The following RSU1 variants were observed in gnomAD, a reference collection of about 807,000 sequenced individuals.
The protein encoded by RSU1 is rsu-1.
RSU1 carries 26 observed loss-of-function variants against 31.1 expected under a neutral mutation model. That is an observed-to-expected ratio of 0.84 (90% CI 0.61 to 1.16). RSU1 has a LOEUF of 1.16. RSU1 is among the 50% of genes most tolerant of loss of function. The probability of loss-of-function intolerance (pLI) is 0.00; values close to 1 mark genes in which losing one functional copy is unlikely to be tolerated. For synonymous variants in RSU1, 164 were observed against 136.3 expected, an observed-to-expected ratio of 1.20 and a Z score of -1.41; for missense variants, 320 against 339.1, an observed-to-expected ratio of 0.94 and a Z score of 0.44.
chr10:16,611,050 C>T (rs563076981), intron 8 of RSU1, among the ~76,000 whole-genome samples: 1 of 152,318 alleles, frequency 6.6e-6, no homozygotes, highest in Admixed American at 6.5e-5. Context: ...AGCACAAAAA[C>T]ATAAAAGCAG....
intron 8 of RSU1, among the ~76,000 whole-genome samples, chr10:16,634,970 A>G (rs1056685342): frequency 3.4e-4 from 52 of 152,362 alleles, no homozygotes; most frequent in African/African-American, 1.1e-3. Context: ...TTACAGAACA[A>G]CTACTTCAGA....
At chr10:16,693,501 C>T (rs1447736701) in intron 8 of RSU1, among the ~76,000 whole-genome samples, 2 of 151,458 alleles carry the variant, frequency 1.3e-5, no homozygotes, top group Admixed American at 6.6e-5. Context: ...AGAAAAGAAA[C>T]TCTTAACTAA....
intron 8 of RSU1, among the ~76,000 whole-genome samples, chr10:16,630,894 C>A (rs1026847304): frequency 1.3e-5 from 2 of 152,228 alleles, no homozygotes; most frequent in African/African-American, 4.8e-5. Context: ...CCCTCTCTAA[C>A]AGAAAGTAGC....
At chr10:16,657,807 A>G (rs1186614494) in intron 8 of RSU1, among the ~76,000 whole-genome samples, 16 of 152,154 alleles carry the variant, frequency 1.1e-4, no homozygotes, top group Admixed American at 1.0e-3. Flanking sequence ...AGCCTGGCCA[A>G]CATGGTGAAA....
intron 4 of RSU1, among the ~76,000 whole-genome samples, chr10:16,755,393 G>A (rs1429573778): frequency 6.6e-6 from 1 of 151,546 alleles, no homozygotes; most frequent in Non-Finnish European, 1.5e-5. Flanking sequence ...AGAATGCTGG[G>A]ATTACAGGCG....
intron 8 of RSU1, among the ~76,000 whole-genome samples, chr10:16,596,688 C>T (rs1055682631): frequency 1.2e-4 from 19 of 152,160 alleles, no homozygotes; most frequent in African/African-American, 3.9e-4. Flanking sequence ...TACGTATGTA[C>T]ATTTTTATTC....
intron 7 of RSU1, among the ~76,000 whole-genome samples, chr10:16,736,325 C>G (rs1195912451): frequency 2.0e-5 from 3 of 152,170 alleles, no homozygotes; most frequent in African/African-American, 7.2e-5. Flanking sequence ...TAAACAATCA[C>G]TGGAGTTTTC....
At chr10:16,706,567 A>C (rs966873096) in intron 7 of RSU1, among the ~76,000 whole-genome samples, 2 of 152,172 alleles carry the variant, frequency 1.3e-5, no homozygotes, top group Non-Finnish European at 2.9e-5. Flanking sequence ...TTTTAGAAAA[A>C]ATAATTTTAG....
intron 8 of RSU1, among the ~76,000 whole-genome samples, chr10:16,596,986 G>T (rs1240147852): frequency 6.6e-6 from 1 of 152,228 alleles, no homozygotes; most frequent in African/African-American, 2.4e-5. Context: ...GAAAGGCTGG[G>T]ATTACAGGCG....
At chr10:16,644,180 C>G (rs1056704615) in intron 8 of RSU1, among the ~76,000 whole-genome samples, 2 of 152,064 alleles carry the variant, frequency 1.3e-5, no homozygotes, top group Admixed American at 6.5e-5. Context: ...GTATTTGGCA[C>G]CTGCAAAGCT....
At chr10:16,785,389 ACTCTCTCT>A (rs61277754) in intron 2 of RSU1, among the ~76,000 whole-genome samples, 3 of 135,466 alleles carry the variant, frequency 2.2e-5, no homozygotes, top group Admixed American at 7.3e-5. Flanking sequence ...AAACTCATTC[ACTCTCTCT>A]CTATCTTTCT....
intron 8 of RSU1, among the ~76,000 whole-genome samples, chr10:16,678,793 C>G (rs1835276516): frequency 6.6e-6 from 1 of 152,098 alleles, no homozygotes; most frequent in Non-Finnish European, 1.5e-5. Flanking sequence ...TAGAGATAAC[C>G]ACCATTACTA....
intron 2 of RSU1, among the ~76,000 whole-genome samples, chr10:16,801,806 A>T (rs1222872492): frequency 1.3e-5 from 2 of 152,288 alleles, no homozygotes; most frequent in South Asian, 2.1e-4. Context: ...ATGTCAAAAA[A>T]TTTTTAAAAA....
chr10:16,633,776 T>G (rs1003998019), intron 8 of RSU1, among the ~76,000 whole-genome samples: 1 of 152,102 alleles, frequency 6.6e-6, no homozygotes, highest in Admixed American at 6.5e-5. Flanking sequence ...ATGCTCACAC[T>G]CCTCAGAGTC....
In RSU1 at chr10:16,719,941, T is replaced by C. The variant is rs548849466; in HGVS notation, c.599-24786A>G. On this transcript the variant is annotated intron_variant, in intron 7 of 8. Coordinates refer to ENST00000345264, the MANE Select transcript of RSU1 (RefSeq NM_012425.4). ...TAGCCCACATGCTTTATGTATATAA[T>C]CTCAGCCCTCAAAGGAACCTGCAAA... Among the ~76,000 whole-genome samples, 87 of 152,356 alleles carry C rather than the reference T, an allele frequency of 5.7e-4. No individual in the cohort carries two copies. In the South Asian group the frequency reaches 0.016, roughly 27 times the overall value.
chr10:16,738,243 G>T (rs371102189), intron 7 of RSU1, among the ~76,000 whole-genome samples: 2 of 152,132 alleles, frequency 1.3e-5, no homozygotes, highest in Non-Finnish European at 2.9e-5. Flanking sequence ...TCAGCAGATC[G>T]AGACCATCCT....
intron 3 of RSU1, among the ~76,000 whole-genome samples, chr10:16,777,683 A>T (rs1225822885): frequency 6.6e-6 from 1 of 152,212 alleles, no homozygotes; most frequent in Non-Finnish European, 1.5e-5. Flanking sequence ...TAAAAACAAA[A>T]AACAAGTAGG....
chr10:16,615,079 C>A (rs1049626074), intron 8 of RSU1, among the ~76,000 whole-genome samples: 4 of 152,056 alleles, frequency 2.6e-5, no homozygotes, highest in African/African-American at 7.3e-5. Flanking sequence ...TTAAAAGACA[C>A]AGACTGGCAA....
intron 4 of RSU1, among the ~76,000 whole-genome samples, chr10:16,755,518 G>A (rs1837066659): frequency 6.6e-6 from 1 of 151,652 alleles, no homozygotes; most frequent in Non-Finnish European, 1.5e-5. Context: ...TCTGATGTAT[G>A]TATACTACAT....
Sources: allele counts gnomAD v4.1 joint callset (sites outside exome capture counted in the v4.1 genomes callset), GRCh38; gene constraint gnomAD v4.1.1; transcripts MANE v1.5; gene names NCBI Gene and HGNC (gene_info 2026-07-23, HGNC 2026-07-21).